The following CAPN14 variants were observed in gnomAD, a reference collection of about 807,000 sequenced individuals.
The protein encoded by CAPN14 is calpain-14.
Under a neutral mutation model 101.3 loss-of-function variants are expected in CAPN14, and 94 were observed. That is an observed-to-expected ratio of 0.93 (90% CI 0.79 to 1.10). The LOEUF (loss-of-function observed/expected upper bound fraction) is 1.10. Among genes scored for constraint, CAPN14 ranks in the 50% least tolerant of loss-of-function variants. The pLI, the probability that CAPN14 is intolerant of heterozygous loss-of-function variation, is 0.00. For missense variants in CAPN14, 837 were observed against 828.4 expected, an observed-to-expected ratio of 1.01 and a Z score of -0.13; for synonymous variants, 338 against 317.9, an observed-to-expected ratio of 1.06 and a Z score of -0.67.
chr2:31,212,138 C>T (rs1682430773), intron 1 of CAPN14, among the ~76,000 whole-genome samples: 1 of 152,014 alleles, frequency 6.6e-6, no homozygotes, highest in Admixed American at 6.6e-5. Context: ...GGCAAAACCC[C>T]ATCTCCACTA....
At chr2:31,229,326 T>C (rs1217854890) in intron 1 of CAPN14, among the ~76,000 whole-genome samples, 2 of 152,112 alleles carry the variant, frequency 1.3e-5, no homozygotes, top group Non-Finnish European at 2.9e-5. Flanking sequence ...TTTTTAAAAA[T>C]ATAATAAAGG....
intron 8 of CAPN14, among the ~76,000 whole-genome samples, chr2:31,196,586 G>A (rs971032800): frequency 2.8e-5 from 4 of 144,564 alleles, no homozygotes; most frequent in South Asian, 2.2e-4. Context: ...GACCTGTAAA[G>A]GATTAAGTAT....
chr2:31,205,214 T>G lies in CAPN14; in HGVS notation c.225+9A>C. ...GAAGGAGGGTCTGGGCTGACACATT[T>G]TGCCTCACCGGGGGCCTCTTCCACT... On this transcript the variant is annotated intron_variant, in intron 2 of 21. Coordinates refer to ENST00000403897, the MANE Select transcript of CAPN14 (RefSeq NM_001145122.2). 6.5e-7 allele frequency: 1 copy of G among 1,549,156 alleles called. No homozygotes were observed. The highest frequency in any genetic ancestry group is 8.7e-7 in the Non-Finnish European group (1 of 1,146,468).
intron 16 of CAPN14, 102 bp downstream of exon 16, chr2:31,186,326 C>T (rs1257186170): frequency 1.4e-6 from 1 of 717,420 alleles, no homozygotes. Context: ...GAGACCAGTG[C>T]TCAGTAATTC....
intron 16 of CAPN14, among the ~76,000 whole-genome samples, chr2:31,182,207 G>A (rs1218677383): frequency 1.3e-5 from 2 of 151,360 alleles, no homozygotes; most frequent in African/African-American, 2.4e-5. Flanking sequence ...AGCTATCTAT[G>A]ACAAACCCAC....
At position 31,217,484 on chromosome 2, in the gene CAPN14, G is replaced by A. The variant is rs893703911; in HGVS notation, c.-81C>T. On this transcript the variant is annotated 5_prime_UTR_variant, in exon 1 of 22. Transcript: ENST00000403897. ...CACAGGAGATTTTGCTTCTTTAAGCGCCTGGGCAAGCTCTAATCCCGGTGC... is the reference window on the plus strand; with the variant it reads ...CACAGGAGATTTTGCTTCTTTAAGCACCTGGGCAAGCTCTAATCCCGGTGC... 1.3e-5 allele frequency: 2 copies of A among 152,098 alleles called. No homozygotes were observed. Among genetic ancestry groups the A allele is most frequent in the African/African-American group, 2.4e-5 (1 of 41,412 alleles). The allele number at this position is 152,098 out of a possible 1,614,324, so 9.4% of individuals were successfully genotyped here.
chr2:31,205,792 G>A (rs752353239), intron 1 of CAPN14, among the ~76,000 whole-genome samples: 11 of 151,968 alleles, frequency 7.2e-5, no homozygotes, highest in East Asian at 1.9e-4. Context: ...ATGTCACGGG[G>A]GTCCCTTCTG....
intron 15 of CAPN14, 116 bp downstream of exon 15, chr2:31,187,642 C>T: frequency 2.3e-6 from 2 of 879,612 alleles, no homozygotes; most frequent in Admixed American, 5.4e-5. Flanking sequence ...AATAGGTAGC[C>T]TTAAATCACA....
intron 21 of CAPN14, among the ~76,000 whole-genome samples, chr2:31,176,062 C>T (rs1313048007): frequency 6.6e-6 from 1 of 152,212 alleles, no homozygotes; most frequent in Non-Finnish European, 1.5e-5. Context: ...GGCCATTTGA[C>T]TTGCTTTGGA....
In CAPN14 at chr2:31,193,134, G is replaced by C; in HGVS notation, c.1111C>G (p.Gln371Glu). ...STAGGQRQLL[Q>E]DTFWKNPQFL... ...CTGCTCCTGTGCACATGCTCACCCT[G>C]CAGCAACTGCCTCTGGCCACCAGCT... Residue 371 changes from glutamine to glutamate, a missense_variant, in exon 10 of 22, where the codon CAG (glutamine) becomes GAG (glutamate). By Grantham distance (29) the Gln-to-Glu change is conservative. Transcript: ENST00000403897. The C allele has an allele frequency of 6.5e-7, 1 of 1,549,390 alleles. No homozygotes were observed. The highest frequency in any genetic ancestry group is 8.7e-7 in the Non-Finnish European group (1 of 1,146,798).
At chr2:31,189,557 G>C in intron 12 of CAPN14, 79 bp from the exon 13 acceptor site, 1 of 1,169,550 alleles carries the variant, frequency 8.6e-7, no homozygotes, top group Admixed American at 2.0e-5. Context: ...TCAAAGCTCT[G>C]AGCCAGGACT....
At chr2:31,205,568 G>A (rs1239041445) in intron 1 of CAPN14, 69 bp from the exon 2 acceptor site, 2 of 794,724 alleles carry the variant, frequency 2.5e-6, no homozygotes, top group Admixed American at 4.4e-5. Context: ...ACAGAGACGA[G>A]GGGAAGGATG....
intron 1 of CAPN14, among the ~76,000 whole-genome samples, chr2:31,212,291 C>G (rs1180635805): frequency 3.3e-5 from 4 of 120,924 alleles, no homozygotes; most frequent in Non-Finnish European, 6.6e-5. Context: ...GCCTGGGTGA[C>G]AGAATAAGAC....
chr2:31,232,828 C>T (rs1289532550), intron 1 of CAPN14, among the ~76,000 whole-genome samples: 1 of 152,192 alleles, frequency 6.6e-6, no homozygotes, highest in South Asian at 2.1e-4. Context: ...TCTTTTGCCC[C>T]TCCAACACTG....
chr2:31,229,358 A>G (rs1306359830), intron 1 of CAPN14, among the ~76,000 whole-genome samples: 1 of 152,142 alleles, frequency 6.6e-6, no homozygotes, highest in African/African-American at 2.4e-5. Context: ...GTTTGTCTTG[A>G]ACCACAGTTA....
At chr2:31,186,356 A>C in intron 16 of CAPN14, 72 bp downstream of exon 16, 2 of 1,092,348 alleles carry the variant, frequency 1.8e-6, no homozygotes, top group Non-Finnish European at 2.6e-6. Context: ...ACCAAGGGAA[A>C]GAGAAACAAA....
intron 16 of CAPN14, among the ~76,000 whole-genome samples, chr2:31,181,444 TTTTC>T (rs1322493572): frequency 7.9e-4 from 98 of 123,646 alleles, no homozygotes; most frequent in African/African-American, 2.8e-3. Context: ...CTTTCTTTCT[TTTTC>T]TTTCTTTTTT....
At chr2:31,225,831 A>T (rs115719289) in intron 2 of CAPN14, among the ~76,000 whole-genome samples, 1 of 152,096 alleles carries the variant, frequency 6.6e-6, no homozygotes, top group Non-Finnish European at 1.5e-5. Context: ...AAGCAAAATT[A>T]CCCCCAAATT....
At chr2:31,177,975 G>A (rs770545583) in intron 18 of CAPN14, among the ~76,000 whole-genome samples, 154 bp from the exon 19 acceptor site, 1 of 152,242 alleles carries the variant, frequency 6.6e-6, no homozygotes, top group African/African-American at 2.4e-5. Context: ...ATATGGCAGA[G>A]TCCATGCTGG....
Sources: gnomAD v4.1 joint callset for allele counts (sites outside exome capture counted in the v4.1 genomes callset) on GRCh38, gnomAD v4.1.1 for gene constraint, MANE v1.5 for transcripts, NCBI Gene and HGNC (gene_info 2026-07-23, HGNC 2026-07-21) for gene names.